The following MTHFD2L variants were observed in gnomAD, a reference collection of about 807,000 sequenced individuals.
MTHFD2L encodes bifunctional methylenetetrahydrofolate dehydrogenase/cyclohydrolase 2, mitochondrial.
A neutral mutation model predicts 34.9 loss-of-function variants in MTHFD2L; 29 were observed. The ratio of observed to expected loss-of-function variants is 0.83; its 90% CI spans 0.62 to 1.13. MTHFD2L has a LOEUF of 1.13. Ranked by LOEUF, MTHFD2L falls within the 50% of genes most tolerant of loss-of-function variation. The probability of loss-of-function intolerance (pLI) is 0.00; values close to 1 mark genes in which losing one functional copy is unlikely to be tolerated. For missense variants in MTHFD2L, 481 were observed against 446.5 expected (o/e 1.08, Z -0.70); for synonymous variants, 167 against 155.7 (o/e 1.07, Z -0.54).
intron 1 of MTHFD2L, among the ~76,000 whole-genome samples, chr4:74,171,778 G>A (rs1433945721): frequency 6.6e-6 from 1 of 152,180 alleles, no homozygotes; most frequent in Non-Finnish European, 1.5e-5. Context: ...ACTGCAGCCT[G>A]GGTGATGGAG....
chr4:74,132,118 A>AGGGAT (rs1308467432), intron 1 of MTHFD2L, among the ~76,000 whole-genome samples: 4 of 152,220 alleles, frequency 2.6e-5, no homozygotes, highest in African/African-American at 4.8e-5. Context: ...GTGGAGAAAT[A>AGGGAT]GGGATGCTTT....
At chr4:74,210,823 G>A (rs1736186901) in intron 5 of MTHFD2L, among the ~76,000 whole-genome samples, 1 of 152,140 alleles carries the variant, frequency 6.6e-6, no homozygotes, top group Admixed American at 6.5e-5. Flanking sequence ...CCATGAGCAT[G>A]GAATATTTTT....
chr4:74,190,932 G>A (rs1015078001), intron 3 of MTHFD2L, among the ~76,000 whole-genome samples: 2 of 152,052 alleles, frequency 1.3e-5, no homozygotes, highest in Admixed American at 6.6e-5. Context: ...ACAGAGTCTC[G>A]CTGTATTGCC....
At chr4:74,164,881 C>A in intron 1 of MTHFD2L, 1 of 766,320 alleles carries the variant, frequency 1.3e-6, no homozygotes, top group Non-Finnish European at 1.6e-6. Context: ...GTAGGCTGGG[C>A]TTTTGGAAGG....
chr4:74,171,047 G>A (rs1304425244), intron 1 of MTHFD2L, among the ~76,000 whole-genome samples: 2 of 151,430 alleles, frequency 1.3e-5, no homozygotes, highest in Non-Finnish European at 2.9e-5. Flanking sequence ...GTTAATGGGT[G>A]GAGCACACCA....
intron 1 of MTHFD2L, among the ~76,000 whole-genome samples, chr4:74,147,860 G>A (rs1279682989): frequency 6.6e-6 from 1 of 152,004 alleles, no homozygotes; most frequent in Admixed American, 6.6e-5. Flanking sequence ...TGAGTTGTTT[G>A]GTTTTTGTTG....
intron 6 of MTHFD2L, among the ~76,000 whole-genome samples, chr4:74,239,518 C>G (rs1243155913): frequency 2.0e-5 from 3 of 150,030 alleles, no homozygotes; most frequent in Admixed American, 1.3e-4. Flanking sequence ...CTGGATCTGT[C>G]TTTTACTGAA....
chr4:74,284,088 T>G (rs1310714390), intron 7 of MTHFD2L, among the ~76,000 whole-genome samples: 1 of 152,156 alleles, frequency 6.6e-6, no homozygotes, highest in Admixed American at 6.6e-5. Flanking sequence ...ATCGTTGAAG[T>G]AAATCGTCCT....
intron 7 of MTHFD2L, among the ~76,000 whole-genome samples, chr4:74,290,176 C>T (rs992723780): frequency 6.6e-6 from 1 of 152,100 alleles, no homozygotes; most frequent in Non-Finnish European, 1.5e-5. Flanking sequence ...CTCCATCTGG[C>T]GAAACCATTC....
At chr4:74,268,952 C>T (rs1241332308) in intron 6 of MTHFD2L, among the ~76,000 whole-genome samples, 2 of 152,082 alleles carry the variant, frequency 1.3e-5, no homozygotes, top group Non-Finnish European at 2.9e-5. Flanking sequence ...GCCTAGGCAA[C>T]ATTGGTGATT....
chr4:74,274,017 T>G (rs906720773), intron 6 of MTHFD2L, among the ~76,000 whole-genome samples: 1 of 151,744 alleles, frequency 6.6e-6, no homozygotes, highest in Non-Finnish European at 1.5e-5. Context: ...GTTTGATTTT[T>G]TTTTTCTTTT....
At chr4:74,238,348 T>A (rs1426844466) in intron 6 of MTHFD2L, among the ~76,000 whole-genome samples, 1 of 152,060 alleles carries the variant, frequency 6.6e-6, no homozygotes. Context: ...TTTTACTCAT[T>A]TATGTAGTTA....
At chr4:74,213,255 A>G (rs1736653218) in intron 5 of MTHFD2L, among the ~76,000 whole-genome samples, 1 of 151,992 alleles carries the variant, frequency 6.6e-6, no homozygotes, top group Non-Finnish European at 1.5e-5. Flanking sequence ...CTAGCTGGTT[A>G]TTTTGCCCCA....
intron 6 of MTHFD2L, among the ~76,000 whole-genome samples, chr4:74,234,126 G>A (rs993374235): frequency 6.6e-6 from 1 of 152,010 alleles, no homozygotes; most frequent in Non-Finnish European, 1.5e-5. Context: ...TTGGGTCCAT[G>A]CATGTATATC....
At chr4:74,140,058 A>G (rs1474082909) in intron 1 of MTHFD2L, among the ~76,000 whole-genome samples, 1 of 152,164 alleles carries the variant, frequency 6.6e-6, no homozygotes, top group Non-Finnish European at 1.5e-5. Flanking sequence ...GCTCATGCCC[A>G]TAATTCTAAC....
chr4:74,175,340 G>A lies in MTHFD2L; in HGVS notation c.388G>A (p.Val130Ile), dbSNP rs201351553. 8 of 1,612,962 alleles carry A rather than the reference G, an allele frequency of 5.0e-6. No homozygotes were observed. In the Admixed American group the frequency reaches 5.0e-5, roughly 10 times the overall value. The change falls in exon 3 of 8, where the codon GTA becomes ATA. Residue 130 changes from valine to isoleucine, a missense_variant. Transcript: ENST00000325278. ...TGTTTCTCAGGAAGAACTTTTGGAC[G>A]TAACTGATCAATTGAATATGGACCC... is the stretch of plus-strand genomic sequence containing the variant. ...KDVSQEELLD[V>I]TDQLNMDPRV...
At chr4:74,150,131 A>C (rs912902413) in intron 1 of MTHFD2L, among the ~76,000 whole-genome samples, 2 of 152,196 alleles carry the variant, frequency 1.3e-5, no homozygotes, top group African/African-American at 2.4e-5. Context: ...CAGAACACGC[A>C]AAAAGGAAGG....
chr4:74,223,221 T>G (rs1005790466), intron 5 of MTHFD2L, among the ~76,000 whole-genome samples: 8 of 151,834 alleles, frequency 5.3e-5, no homozygotes, highest in African/African-American at 1.7e-4. Context: ...ATGTGGTGTG[T>G]GTGTGTATAT....
rs1734116164 is a variant in MTHFD2L, at chr4:74,199,872, G to C, written c.530G>C (p.Gly177Ala). The C allele has an allele frequency of 6.2e-7, 1 of 1,613,872 alleles. No homozygotes were observed. Among genetic ancestry groups the C allele is most frequent in the Middle Eastern group, 1.7e-4 (1 of 6,060 alleles). ...DVDGFHIINIGRLCLDQHSLI... is the reference protein window; with the variant it reads ...DVDGFHIINIARLCLDQHSLI... ...GATGGATTTCATATTATCAATATTG[G>C]AAGATTGTGCCTTGATCAGCATTCT... Residue 177 changes from glycine to alanine, a missense_variant, in exon 4 of 8, where the codon GGA becomes GCA. Physicochemically the swap from Gly to Ala is moderately conservative, Grantham distance 60. Coordinates refer to ENST00000325278, the MANE Select transcript of MTHFD2L (RefSeq NM_001144978.3).
Sources: allele counts gnomAD v4.1 joint callset (sites outside exome capture counted in the v4.1 genomes callset), GRCh38; gene constraint gnomAD v4.1.1; transcripts MANE v1.5; gene names NCBI Gene and HGNC (gene_info 2026-07-23, HGNC 2026-07-21).